FANCI: variants seen among roughly 807,000 people sequenced by gnomAD.
FANCI encodes Fanconi anemia group I protein.
FANCI carries 156 observed loss-of-function variants against 176.1 expected under a neutral mutation model. The observed-to-expected ratio is 0.89, with a 90% CI of 0.78 to 1.01. FANCI has a LOEUF of 1.01. FANCI is among the 50% of genes least tolerant of loss of function. The probability of loss-of-function intolerance (pLI) is 0.00; values close to 1 mark genes in which losing one functional copy is unlikely to be tolerated. For missense variants in FANCI, 1,678 were observed against 1,534.1 expected (o/e 1.09, Z -1.57); for synonymous variants, 613 against 541.7 (o/e 1.13, Z -1.83).
intron 28 of FANCI, among the ~76,000 whole-genome samples, chr15:89,304,648 T>A (rs2054645219): frequency 6.6e-6 from 1 of 152,212 alleles, no homozygotes; most frequent in Non-Finnish European, 1.5e-5. Flanking sequence ...ACTAGCTGCT[T>A]GGCTGTAGTA....
chr15:89,273,595 C>A, intron 11 of FANCI, 126 bp downstream of exon 11: 1 of 671,946 alleles, frequency 1.5e-6, no homozygotes, highest in Non-Finnish European at 2.7e-6. Flanking sequence ...TTCCTGCCAG[C>A]AGCAAAGCTG....
rs763617822 is a variant in FANCI, at chr15:89,281,152, A to T, written c.1382-18A>T. On this transcript the variant is annotated intron_variant, in intron 14 of 37. Transcript: ENST00000310775. ...CTTTAGTTATTTGAGACAACTGATTATAGATTCTGTTTTTCAGACCTGCTT... is the reference window on the plus strand; with the variant it reads ...CTTTAGTTATTTGAGACAACTGATTTTAGATTCTGTTTTTCAGACCTGCTT... The T allele has an allele frequency of 6.2e-7, 1 of 1,612,248 alleles. No homozygotes were observed. The highest frequency in any genetic ancestry group is 1.7e-5 in the Admixed American group (1 of 59,998).
chr15:89,297,353 C>A (rs1179898659), intron 24 of FANCI, among the ~76,000 whole-genome samples: 2 of 151,960 alleles, frequency 1.3e-5, no homozygotes, highest in African/African-American at 4.8e-5. Context: ...ACTTCCCAGA[C>A]GGGGTGGCGG....
intron 12 of FANCI, among the ~76,000 whole-genome samples, chr15:89,275,103 T>C (rs1046645959): frequency 2.0e-5 from 3 of 149,358 alleles, no homozygotes; most frequent in South Asian, 2.1e-4. Flanking sequence ...TTTTTTTTTT[T>C]CTGAAGACGT....
chr15:89,308,177 C>T (rs2054800900), intron 34 of FANCI: 1 of 1,041,302 alleles, frequency 9.6e-7, no homozygotes, highest in Non-Finnish European at 1.2e-6. Flanking sequence ...GTTTTTTAAC[C>T]TCACCACTAT....
intron 19 of FANCI, among the ~76,000 whole-genome samples, chr15:89,291,319 T>G (rs1383973235): frequency 2.0e-5 from 3 of 152,172 alleles, no homozygotes; most frequent in Admixed American, 2.0e-4. Flanking sequence ...CCAGTCTGAC[T>G]CTGGATCCTG....
chr15:89,244,358 G>T (rs932739470), intron 1 of FANCI: 1 of 152,238 alleles, frequency 6.6e-6, no homozygotes, highest in Non-Finnish European at 1.5e-5. Context: ...ATCACCAGCT[G>T]CTTCGTGTTA....
At chr15:89,275,354 A>G (rs76801741) in intron 12 of FANCI, among the ~76,000 whole-genome samples, 5,841 of 152,238 alleles carry the variant, frequency 0.038, 304 homozygotes, top group African/African-American at 0.13. Flanking sequence ...TTAAAACCAC[A>G]TGGAAAACAT....
At chr15:89,305,025 C>T (rs1489891504) in intron 28 of FANCI, 90 bp from the exon 29 acceptor site, 31 of 1,512,428 alleles carry the variant, frequency 2.0e-5, no homozygotes, top group Non-Finnish European at 2.8e-5. Context: ...ATCCACCCGC[C>T]TTGGCCTCCC....
At chr15:89,285,931 A>G (rs971255630) in intron 18 of FANCI, among the ~76,000 whole-genome samples, 2 of 152,018 alleles carry the variant, frequency 1.3e-5, no homozygotes, top group African/African-American at 4.8e-5. Context: ...TGTTACCTCT[A>G]ATTTATCAGA....
rs575419676 is a variant in FANCI at position 89,249,941 on chromosome 15, T to A, written c.84+2210T>A. Among the ~76,000 whole-genome samples, 13 of 152,344 alleles carry A rather than the reference T, an allele frequency of 8.5e-5. No homozygotes were observed. In the South Asian group the frequency reaches 2.7e-3, roughly 32 times the overall value. ...AAACACATAGAATGTTCATAAAAATTAATCACATGTCATATACTAGAGCAC... is the reference window on the plus strand; with the variant it reads ...AAACACATAGAATGTTCATAAAAATAAATCACATGTCATATACTAGAGCAC... On this transcript the variant is annotated intron_variant, in intron 2 of 37. Transcript: ENST00000310775.
chr15:89,256,917 T>G (rs998295793), intron 2 of FANCI, among the ~76,000 whole-genome samples: 8 of 152,152 alleles, frequency 5.3e-5, no homozygotes, highest in African/African-American at 1.4e-4. Flanking sequence ...TTTTTGTTGT[T>G]TTTTTTTGAT....
chr15:89,305,061 C>G, intron 28 of FANCI, 54 bp from the exon 29 acceptor site: 1 of 1,605,674 alleles, frequency 6.2e-7, no homozygotes, highest in East Asian at 2.2e-5. Context: ...CAGGCGTGAG[C>G]CACTGCACTT....
At chr15:89,257,341 C>CT (rs1257052084) in intron 2 of FANCI, among the ~76,000 whole-genome samples, 1 of 152,178 alleles carries the variant, frequency 6.6e-6, no homozygotes, top group Non-Finnish European at 1.5e-5. Flanking sequence ...GCTGCTGTTA[C>CT]AATGTATCAC....
chr15:89,275,484 T>G (rs1027171219), intron 12 of FANCI, among the ~76,000 whole-genome samples: 1 of 152,232 alleles, frequency 6.6e-6, no homozygotes, highest in African/African-American at 2.4e-5. Flanking sequence ...AATTTAAGCA[T>G]AATTTATGGT....
rs767462150 is a variant in FANCI at position 89,300,341 on chromosome 15, G to A, written c.2845G>A (p.Val949Ile). 5.0e-6 allele frequency: 8 copies of A among 1,613,916 alleles called. No homozygotes were observed. Among genetic ancestry groups the A allele is most frequent in the Admixed American group, 1.7e-5 (1 of 59,996 alleles). The change falls in exon 26 of 38, where the codon GTC (valine) becomes ATC (isoleucine). Residue 949 changes from valine to isoleucine, a missense_variant. Val to Ile is a conservative substitution (Grantham distance 29, BLOSUM62 3). Coordinates refer to ENST00000310775, the MANE Select transcript of FANCI (RefSeq NM_001113378.2). ...AGGAGAAGAGAGAGAAGATGCAGAT[G>A]TCAGTGTCACTCAGAGAACAGCATT... ...KEGEEREDAD[V>I]SVTQRTAFQI...
chr15:89,269,530 T>G (rs2053118120), intron 10 of FANCI, among the ~76,000 whole-genome samples: 1 of 152,160 alleles, frequency 6.6e-6, no homozygotes, highest in Non-Finnish European at 1.5e-5. Flanking sequence ...TGTCCCACAT[T>G]TTTGGATTTA....
chr15:89,259,475 G>C (rs560339938), intron 3 of FANCI: 1 of 152,520 alleles, frequency 6.6e-6, no homozygotes, highest in African/African-American at 2.4e-5. Flanking sequence ...AAATATCAGA[G>C]AAAAGGAAAT....
At chr15:89,282,537 TATA>T (rs2053654621) in intron 16 of FANCI, 1 of 165,960 alleles carries the variant, frequency 6.0e-6, no homozygotes, top group Admixed American at 5.5e-5. Flanking sequence ...TTGGCCATAT[TATA>T]ATATATTCAT....
Sources: gnomAD v4.1 joint callset for allele counts (sites outside exome capture counted in the v4.1 genomes callset) on GRCh38, gnomAD v4.1.1 for gene constraint, MANE v1.5 for transcripts, NCBI Gene and HGNC (gene_info 2026-07-23, HGNC 2026-07-21) for gene names.